Variants in UBR3 observed in about 807,000 individuals in gnomAD.
The protein encoded by UBR3 is E3 ubiquitin-protein ligase UBR3.
Under a neutral mutation model 243.2 loss-of-function variants are expected in UBR3, and 85 were observed. The ratio of observed to expected loss-of-function variants is 0.35; its 90% CI spans 0.29 to 0.42. The LOEUF (loss-of-function observed/expected upper bound fraction) is 0.42. Among genes scored for constraint, UBR3 ranks in the 10% least tolerant of loss-of-function variants. UBR3 has a pLI of 1.00. For missense variants in UBR3, 1,686 were observed against 2,300.8 expected (o/e 0.73, Z 5.47); for synonymous variants, 748 against 799.8 (o/e 0.94, Z 1.09).
At chr2:170,044,841 G>A (rs548465603) in intron 32 of UBR3, among the ~76,000 whole-genome samples, 1 of 152,288 alleles carries the variant, frequency 6.6e-6, no homozygotes, top group South Asian at 2.1e-4. Context: ...AGCAGGATGA[G>A]AGTTAAGAGA....
intron 24 of UBR3, among the ~76,000 whole-genome samples, chr2:169,983,334 C>T (rs770392273): frequency 6.9e-6 from 1 of 144,610 alleles, no homozygotes; most frequent in Non-Finnish European, 1.5e-5. Flanking sequence ...GATCTTGGCT[C>T]ACTGTAGCCT....
At chr2:169,878,497 G>T in intron 4 of UBR3, 28 bp from the exon 5 acceptor site, 1 of 1,545,444 alleles carries the variant, frequency 6.5e-7, no homozygotes, top group African/African-American at 1.4e-5. Context: ...CAACTATGAA[G>T]GACAACTATT....
intron 23 of UBR3, among the ~76,000 whole-genome samples, chr2:169,955,793 CAAAAAA>C (rs56238118): frequency 1.3e-5 from 1 of 78,540 alleles, no homozygotes; most frequent in Admixed American, 1.5e-4. Context: ...GACTCCATCT[CAAAAAA>C]AAAAAAAAAA....
chr2:169,943,037 T>A (rs1250692553), intron 20 of UBR3, among the ~76,000 whole-genome samples: 2 of 152,156 alleles, frequency 1.3e-5, no homozygotes, highest in African/African-American at 4.8e-5. Context: ...TTTTGCTTTT[T>A]CCCTCTAATC....
intron 1 of UBR3, among the ~76,000 whole-genome samples, chr2:169,847,079 CTGTGTGTGTG>C (rs769261518): frequency 2.4e-5 from 3 of 123,708 alleles, no homozygotes; most frequent in African/African-American, 9.2e-5. Flanking sequence ...TTTTCTTAAA[CTGTGTGTGTG>C]TGTGTGTGTG....
intron 31 of UBR3, among the ~76,000 whole-genome samples, chr2:170,038,762 G>A (rs1353372930): frequency 1.3e-5 from 2 of 152,122 alleles, no homozygotes; most frequent in Admixed American, 6.6e-5. Context: ...GCAGGAGGAC[G>A]TAAGAAATAA....
intron 8 of UBR3, among the ~76,000 whole-genome samples, chr2:169,900,289 G>A (rs1574155721): frequency 6.6e-6 from 1 of 152,182 alleles, no homozygotes; most frequent in African/African-American, 2.4e-5. Flanking sequence ...CTGCATAAAT[G>A]TCTTCTTTTG....
At position 169,878,585 on chromosome 2, in the gene UBR3, A is replaced by C. The variant is rs1347484673; in HGVS notation, c.1038+11A>C. The C allele has an allele frequency of 1.3e-6, 2 of 1,548,814 alleles. No individual in the cohort carries two copies. The highest frequency in any genetic ancestry group is 3.9e-5 in the Admixed American group (2 of 50,876). ...GATTCTTCAGATGAGGTGAGATTTAAAGTTCAAAACTTTTTAAAAAGTACA... is the reference window on the plus strand; with the variant it reads ...GATTCTTCAGATGAGGTGAGATTTACAGTTCAAAACTTTTTAAAAAGTACA... On this transcript the variant is annotated intron_variant, in intron 5 of 38. Transcript: ENST00000272793.
chr2:170,009,633 C>G (rs2090025679), intron 29 of UBR3, among the ~76,000 whole-genome samples: 1 of 152,060 alleles, frequency 6.6e-6, no homozygotes, highest in Non-Finnish European at 1.5e-5. Context: ...CAACTAAGAA[C>G]TTGTAAATGC....
chr2:169,950,103 T>A, intron 23 of UBR3, 38 bp downstream of exon 23: 3 of 1,496,730 alleles, frequency 2.0e-6, no homozygotes, highest in Non-Finnish European at 2.7e-6. Context: ...GTGTGTATAG[T>A]TGAAAATTTG....
At chr2:169,895,108 T>C in intron 6 of UBR3, 73 bp from the exon 7 acceptor site, 1 of 1,366,598 alleles carries the variant, frequency 7.3e-7, no homozygotes, top group East Asian at 2.7e-5. Context: ...TTTTATGGTT[T>C]ATGGGTTATT....
intron 10 of UBR3, among the ~76,000 whole-genome samples, chr2:169,908,702 A>G (rs1296438789): frequency 1.3e-5 from 2 of 152,122 alleles, no homozygotes; most frequent in East Asian, 3.8e-4. Context: ...GTATCAGAGA[A>G]TGCGTTTATG....
rs529656511 is a variant in UBR3 at position 169,843,773 on chromosome 2, C to G, written c.545+15721C>G. Among the ~76,000 whole-genome samples, 35 of 152,240 alleles carry G rather than the reference C, an allele frequency of 2.3e-4. No homozygotes were observed. The East Asian group carries it at 6.2e-3, about 27-fold the overall frequency. On this transcript the variant is annotated intron_variant, in intron 1 of 38. Transcript: ENST00000272793. ...TTTTCTTCTTTTGCAATATCTCTGT[C>G]TGATTTTGGTCTCAGGGTAAAGCTG... is the stretch of plus-strand genomic sequence containing the variant.
chr2:169,950,094 T>C, intron 23 of UBR3, 29 bp downstream of exon 23: 2 of 1,506,862 alleles, frequency 1.3e-6, no homozygotes, highest in Non-Finnish European at 1.8e-6. Flanking sequence ...GTTTTAAACG[T>C]GTGTATAGTT....
At chr2:169,935,769 CATT>C (rs2086303752) in intron 19 of UBR3, among the ~76,000 whole-genome samples, 2 of 152,008 alleles carry the variant, frequency 1.3e-5, no homozygotes, top group African/African-American at 4.8e-5. Context: ...ATTTCATTTG[CATT>C]ATTCTATTAA....
chr2:169,928,969 C>A, intron 18 of UBR3, 101 bp downstream of exon 18: 1 of 1,044,228 alleles, frequency 9.6e-7, no homozygotes, highest in Non-Finnish European at 1.3e-6. Context: ...TTCGTTCAAG[C>A]TTTGGTTTTC....
At chr2:169,960,155 G>A (rs2087499130) in intron 24 of UBR3, among the ~76,000 whole-genome samples, 1 of 150,958 alleles carries the variant, frequency 6.6e-6, no homozygotes, top group South Asian at 2.1e-4. Context: ...AGGAGGCTGA[G>A]GCAGGAGAAT....
rs1288108106 is a variant in UBR3 at position 169,836,063 on chromosome 2, ATATATTTTTTTTT to A, written c.545+8013_545+8025del. Reference sequence around the variant, plus strand: ...TCTCTCTATATATATATATATATATATATATTTTTTTTTTTTTTTTTTTTTTTTTTGAGATGGA... The same window carrying A: ...TCTCTCTATATATATATATATATATATTTTTTTTTTTTTTTTTGAGATGGA... On this transcript the variant is annotated intron_variant, in intron 1 of 38. Coordinates refer to ENST00000272793, the MANE Select transcript of UBR3 (RefSeq NM_172070.4). 1.9e-3 allele frequency among the ~76,000 whole-genome samples: 50 copies of A among 26,612 alleles called. 3 individuals carry two copies. Among genetic ancestry groups the A allele is most frequent in the Admixed American group, 5.9e-3 (7 of 1,196 alleles). 17.5% of individuals were successfully genotyped at this position (26,612 alleles called of 152,430 possible). A position where few individuals can be genotyped will look rare whatever the true frequency, so the allele number is the denominator to read the frequency against.
At chr2:169,930,175 G>C (rs1216251986) in intron 18 of UBR3, among the ~76,000 whole-genome samples, 1 of 152,092 alleles carries the variant, frequency 6.6e-6, no homozygotes, top group South Asian at 2.1e-4. Context: ...GCAGGCCCCT[G>C]TGTCTCACCT....
Sources: allele counts gnomAD v4.1 joint callset (sites outside exome capture counted in the v4.1 genomes callset), GRCh38; gene constraint gnomAD v4.1.1; transcripts MANE v1.5; gene names NCBI Gene and HGNC (gene_info 2026-07-23, HGNC 2026-07-21).